The following PAM variants were observed in gnomAD, a reference collection of about 807,000 sequenced individuals.
The protein encoded by PAM is peptidyl-glycine alpha-amidating monooxygenase.
A neutral mutation model predicts 122.1 loss-of-function variants in PAM; 72 were observed. The ratio of observed to expected loss-of-function variants is 0.59; its 90% CI spans 0.49 to 0.72. The LOEUF (loss-of-function observed/expected upper bound fraction) is 0.72, where lower values mean the gene tolerates loss of function less well. Ranked by LOEUF, PAM falls within the 30% of genes least tolerant of loss-of-function variation. The probability of loss-of-function intolerance (pLI) is 0.00; values close to 1 mark genes in which losing one functional copy is unlikely to be tolerated. For synonymous variants in PAM, 389 were observed against 404.4 expected, an observed-to-expected ratio of 0.96 and a Z score of 0.46; for missense variants, 1,106 against 1,183.7, an observed-to-expected ratio of 0.93 and a Z score of 0.96.
intron 23 of PAM, among the ~76,000 whole-genome samples, chr5:103,021,083 TA>T (rs1203592639): frequency 6.6e-6 from 1 of 152,194 alleles, no homozygotes; most frequent in African/African-American, 2.4e-5. Context: ...CAATGGGCTA[TA>T]CAGAAATTAT....
chr5:102,898,950 A>G (rs923711049), intron 3 of PAM, among the ~76,000 whole-genome samples: 1 of 151,616 alleles, frequency 6.6e-6, no homozygotes, highest in Non-Finnish European at 1.5e-5. Flanking sequence ...GGTGTCTGTA[A>G]TACCTACCGA....
intron 3 of PAM, among the ~76,000 whole-genome samples, chr5:102,891,164 A>G (rs1794678397): frequency 6.6e-6 from 1 of 151,910 alleles, no homozygotes; most frequent in Non-Finnish European, 1.5e-5. Flanking sequence ...AAACTAATTC[A>G]ACTAACATTC....
At chr5:102,866,531 G>T in intron 2 of PAM, 1 of 513,520 alleles carries the variant, frequency 1.9e-6, no homozygotes, top group Non-Finnish European at 3.5e-6. Flanking sequence ...CTCCCTCTGG[G>T]GGAGGTATTT....
chr5:102,782,804 G>T (rs1759407216), intron 1 of PAM, among the ~76,000 whole-genome samples: 1 of 145,432 alleles, frequency 6.9e-6, no homozygotes, highest in Admixed American at 6.9e-5. Context: ...CAACATGTTG[G>T]CTTTTTTGTC....
chr5:102,856,914 T>G (rs539670998), intron 1 of PAM, among the ~76,000 whole-genome samples: 1 of 152,206 alleles, frequency 6.6e-6, no homozygotes, highest in East Asian at 1.9e-4. Context: ...TTCAATTTGC[T>G]AGGTCTTGCT....
At chr5:102,931,145 A>G (rs987072322) in intron 7 of PAM, among the ~76,000 whole-genome samples, 5 of 152,232 alleles carry the variant, frequency 3.3e-5, no homozygotes, top group African/African-American at 1.2e-4. Context: ...TGAAAGGATA[A>G]ATTTCCCTAA....
chr5:102,977,438 G>A (rs984357796), intron 15 of PAM, among the ~76,000 whole-genome samples: 4 of 152,098 alleles, frequency 2.6e-5, no homozygotes, highest in African/African-American at 9.7e-5. Context: ...ATCTCTAGGA[G>A]TACAAATATC....
intron 1 of PAM, among the ~76,000 whole-genome samples, chr5:102,763,478 A>T (rs1436650126): frequency 1.3e-5 from 2 of 152,182 alleles, no homozygotes; most frequent in African/African-American, 4.8e-5. Context: ...AATCCCTAAT[A>T]AAATTTACAC....
Position 102,900,583 on chromosome 5 carries a change from A to G in PAM, c.211-773A>G, listed in dbSNP as rs1051097651. ...CATGTTAGTGGAATCTGATCATTCC[A>G]GCTCTGTGCAGTAATAATCCAGGAA... On this transcript the variant is annotated intron_variant, in intron 3 of 25. Coordinates refer to ENST00000438793, the MANE Select transcript of PAM (RefSeq NM_001177306.2). Among the ~76,000 whole-genome samples the G allele has an allele frequency of 2.0e-5, 3 of 151,726 alleles. No individual in the cohort carries two copies. The South Asian group carries it at 6.2e-4, about 31-fold the overall frequency.
chr5:103,028,387 T>C (rs2151415895), intron 25 of PAM, 149 bp downstream of exon 25: 1 of 603,418 alleles, frequency 1.7e-6, no homozygotes. Context: ...AAATACAGAA[T>C]GCACACCATA....
At chr5:102,840,335 C>G (rs900804820) in intron 1 of PAM, among the ~76,000 whole-genome samples, 4 of 151,996 alleles carry the variant, frequency 2.6e-5, no homozygotes, top group African/African-American at 9.7e-5. Flanking sequence ...AGAGAATAAT[C>G]ATTATGATTA....
chr5:102,993,458 A>G (rs1774768917), intron 16 of PAM, among the ~76,000 whole-genome samples: 1 of 152,048 alleles, frequency 6.6e-6, no homozygotes, highest in African/African-American at 2.4e-5. Flanking sequence ...ATACCCACTT[A>G]ACTTAACTAT....
In PAM at chr5:102,978,832, T is replaced by TA. The variant is rs59992881; in HGVS notation, c.1483+4409dup. ...TGATCTCTGAGGGGAGGAGAATGGT[T>TA]AAAAAAAAAAAAACACCTATACATA... On this transcript the variant is annotated intron_variant, in intron 15 of 25. Transcript: ENST00000438793. Among the ~76,000 whole-genome samples, 1,274 of 140,984 alleles carry TA rather than the reference T, an allele frequency of 9.0e-3. 14 individuals carry two copies. The highest frequency in any genetic ancestry group is 0.025 in the African/African-American group (977 of 39,072). The allele number at this position is 140,984 out of a possible 152,430, so 92.5% of individuals were successfully genotyped here. A position where few individuals can be genotyped will look rare whatever the true frequency, so the allele number is the denominator to read the frequency against.
intron 16 of PAM, among the ~76,000 whole-genome samples, chr5:102,990,667 C>T (rs1447189579): frequency 1.3e-5 from 2 of 152,202 alleles, no homozygotes; most frequent in Non-Finnish European, 2.9e-5. Flanking sequence ...TACCATTTTG[C>T]TCCCTCCTGT....
chr5:103,004,462 AT>A (rs1457695663), intron 17 of PAM, among the ~76,000 whole-genome samples: 1 of 152,200 alleles, frequency 6.6e-6, no homozygotes, highest in Non-Finnish European at 1.5e-5. Context: ...CTACACTAAG[AT>A]TAGAAGCTAA....
chr5:103,007,807 C>A, intron 20 of PAM, 150 bp downstream of exon 20: 1 of 604,828 alleles, frequency 1.7e-6, no homozygotes, highest in Non-Finnish European at 2.9e-6. Context: ...TGTTCTAACT[C>A]AGTTTTGATT....
chr5:102,987,625 A>G (rs940854671), intron 15 of PAM: 1 of 426,334 alleles, frequency 2.3e-6, no homozygotes, highest in Non-Finnish European at 4.6e-6. Context: ...AAAATATCAC[A>G]TGTACCCTAT....
intron 1 of PAM, among the ~76,000 whole-genome samples, chr5:102,786,605 G>A (rs542610308): frequency 9.7e-4 from 148 of 152,224 alleles, no homozygotes; most frequent in African/African-American, 3.3e-3. Flanking sequence ...AGAAAATGGA[G>A]AAAGGCATCA....
At chr5:102,987,953 G>A (rs1004801522) in intron 15 of PAM, among the ~76,000 whole-genome samples, 4 of 152,104 alleles carry the variant, frequency 2.6e-5, no homozygotes, top group African/African-American at 7.2e-5. Flanking sequence ...CTTTACTGCT[G>A]CTAATAAAGT....
Sources: gnomAD v4.1 joint callset for allele counts (sites outside exome capture counted in the v4.1 genomes callset) on GRCh38, gnomAD v4.1.1 for gene constraint, MANE v1.5 for transcripts, NCBI Gene and HGNC (gene_info 2026-07-23, HGNC 2026-07-21) for gene names.